The following RAPGEF2 variants were observed in gnomAD, a reference collection of about 807,000 sequenced individuals.
The protein encoded by RAPGEF2 is Rap guanine nucleotide exchange factor 2.
In RAPGEF2, 54 loss-of-function variants were observed where a neutral mutation model predicts 186.7. The observed-to-expected ratio is 0.29, with a 90% CI of 0.23 to 0.36. RAPGEF2 has a LOEUF of 0.36. Among genes scored for constraint, RAPGEF2 ranks in the 10% least tolerant of loss-of-function variants. The pLI is 1.00. For missense variants in RAPGEF2, 1,532 were observed against 2,045.0 expected, an observed-to-expected ratio of 0.75 and a Z score of 4.84; for synonymous variants, 712 against 705.9, an observed-to-expected ratio of 1.01 and a Z score of -0.14.
At position 159,353,548 on chromosome 4, in the gene RAPGEF2, C is replaced by T. The variant is rs776086380; in HGVS notation, c.4153C>T (p.Pro1385Ser). The T allele has an allele frequency of 2.6e-6, 4 of 1,553,250 alleles. No individual in the cohort carries two copies. Among genetic ancestry groups the T allele is most frequent in the African/African-American group, 1.4e-5 (1 of 72,604 alleles). Residue 1385 changes from proline (P) to serine (S), a missense_variant, in exon 28 of 30, where the codon CCA (proline) becomes TCA (serine). Physicochemically the swap from Pro to Ser is moderately conservative, Grantham distance 74 (BLOSUM62 -1). Transcript: ENST00000691494. This position sits in a 1 kb window ranked among gnomAD's most constrained non-coding sequence, Gnocchi z 4.3. ...LYATATVISS[P>S]STEELSQDQG... Reference sequence around the variant, plus strand: ...TGCTACAGCTACAGTAATTTCTTCTCCAAGCACAGAGGAACTTTCCCAGGA... The same window carrying T: ...TGCTACAGCTACAGTAATTTCTTCTTCAAGCACAGAGGAACTTTCCCAGGA...
intron 1 of RAPGEF2, among the ~76,000 whole-genome samples, chr4:159,114,627 G>A (rs975036751): frequency 5.3e-5 from 8 of 152,058 alleles, no homozygotes; most frequent in Non-Finnish European, 1.2e-4. Flanking sequence ...TTAATGTTTC[G>A]TGATTCTGAA....
rs866795485 is a variant in RAPGEF2 at position 159,104,010 on chromosome 4, C to G, written c.-153C>G. On this transcript the variant is annotated 5_prime_UTR_variant, in exon 1 of 30. Transcript: ENST00000691494. ...CCGCCGGGCCCAGCCGAGCCGCCCCCCCGCGGGCCCCGCGCCGCCGCCGCC... is the reference window on the plus strand; with the variant it reads ...CCGCCGGGCCCAGCCGAGCCGCCCCGCCGCGGGCCCCGCGCCGCCGCCGCC... 51 of 185,452 alleles carry G rather than the reference C, an allele frequency of 2.8e-4. No homozygotes were observed. The highest frequency in any genetic ancestry group is 9.3e-4 in the East Asian group (5 of 5,348). The allele number at this position is 185,452 out of a possible 1,614,324, so 11.5% of individuals were successfully genotyped here.
chr4:159,331,345 T>TG, intron 13 of RAPGEF2, 86 bp from the exon 14 acceptor site: 12 of 732,524 alleles, frequency 1.6e-5, no homozygotes, highest in Non-Finnish European at 8.9e-6. Context: ...GTAAATTATT[T>TG]GAAAGTTGGA....
intron 3 of RAPGEF2, among the ~76,000 whole-genome samples, chr4:159,202,644 C>T (rs1579452115): frequency 6.6e-6 from 1 of 152,268 alleles, no homozygotes; most frequent in South Asian, 2.1e-4. Flanking sequence ...TCTTGTTGCC[C>T]AGGCTGGAGT....
chr4:159,312,810 G>A (rs1208089332), intron 8 of RAPGEF2, among the ~76,000 whole-genome samples: 1 of 152,196 alleles, frequency 6.6e-6, no homozygotes, highest in African/African-American at 2.4e-5. Flanking sequence ...CTTATGTTCT[G>A]TGATATGAAC....
Position 159,346,806 on chromosome 4 carries a change from G to T in RAPGEF2, c.3520G>T (p.Asp1174Tyr). 1.2e-6 allele frequency: 2 copies of T among 1,614,040 alleles called. No individual in the cohort carries two copies. The highest frequency in any genetic ancestry group is 2.2e-5 in the South Asian group (2 of 91,050). ...ATNTLPKNPG[D>Y]KKPVKSETSP... ...ATTATCAGTGCCTAAGAATCCTGGT[G>T]ACAAAAAGCCTGTCAAATCCGAGAC... is the stretch of plus-strand genomic sequence containing the variant. Residue 1174 changes from aspartate (D) to tyrosine (Y), a missense_variant, in exon 25 of 30, where the codon GAC (aspartate) becomes TAC (tyrosine). Asp to Tyr is a radical substitution (Grantham distance 160, BLOSUM62 -3). Transcript: ENST00000691494.
At chr4:159,198,424 C>T (rs988701027) in intron 3 of RAPGEF2, among the ~76,000 whole-genome samples, 1 of 130,378 alleles carries the variant, frequency 7.7e-6, no homozygotes, top group Non-Finnish European at 1.7e-5. Context: ...CTCTCTCTCT[C>T]TCTCTCTCTT....
At chr4:159,199,105 GA>G (rs1439524932) in intron 3 of RAPGEF2, among the ~76,000 whole-genome samples, 2 of 145,538 alleles carry the variant, frequency 1.4e-5, no homozygotes, top group Non-Finnish European at 3.0e-5. Context: ...TAATTTATTT[GA>G]AAAAATGGCA....
At chr4:159,153,187 TG>T (rs1743753223) in intron 1 of RAPGEF2, among the ~76,000 whole-genome samples, 1 of 152,216 alleles carries the variant, frequency 6.6e-6, no homozygotes, top group Non-Finnish European at 1.5e-5. Context: ...TTGATTTTGA[TG>T]TAGAATTTTG....
chr4:159,284,414 G>A (rs1416335687), intron 7 of RAPGEF2, among the ~76,000 whole-genome samples: 4 of 150,382 alleles, frequency 2.7e-5, no homozygotes, highest in Non-Finnish European at 3.0e-5. Context: ...TTTTCCTAAG[G>A]GATCATGGAG....
rs369364982 is a variant in RAPGEF2, at chr4:159,247,212, T to G, written c.543+3421T>G. Among the ~76,000 whole-genome samples the G allele has an allele frequency of 1.9e-4, 29 of 152,260 alleles. No homozygotes were observed. The East Asian group carries it at 4.4e-3, about 23-fold the overall frequency. On this transcript the variant is annotated intron_variant, in intron 7 of 29. Coordinates refer to ENST00000691494, the MANE Select transcript of RAPGEF2 (RefSeq NM_001394067.2). Reference sequence around the variant, plus strand: ...TTTTCATTTATATATTTTTGGTCATTTAACAAATATTCATTGAGTGCCCAC... The same window carrying G: ...TTTTCATTTATATATTTTTGGTCATGTAACAAATATTCATTGAGTGCCCAC...
intron 7 of RAPGEF2, among the ~76,000 whole-genome samples, chr4:159,251,416 T>C (rs888803282): frequency 3.9e-5 from 6 of 152,218 alleles, no homozygotes; most frequent in African/African-American, 1.2e-4. Context: ...GGAGAACTTT[T>C]GTGTCTAGCT....
At chr4:159,295,400 TTG>T (rs150225299) in intron 7 of RAPGEF2, among the ~76,000 whole-genome samples, 1 of 151,232 alleles carries the variant, frequency 6.6e-6, no homozygotes, top group Non-Finnish European at 1.5e-5. Flanking sequence ...GTGTATGCAT[TTG>T]TGTGTGTGTG....
chr4:159,184,529 C>A (rs1047010265), intron 1 of RAPGEF2, among the ~76,000 whole-genome samples: 2 of 152,086 alleles, frequency 1.3e-5, no homozygotes, highest in Non-Finnish European at 2.9e-5. Context: ...TGTTGGCTGC[C>A]TAAATGTCTT....
intron 1 of RAPGEF2, among the ~76,000 whole-genome samples, chr4:159,123,605 C>T (rs1439295331): frequency 1.4e-5 from 2 of 144,880 alleles, no homozygotes; most frequent in African/African-American, 5.1e-5. Flanking sequence ...GTGGCTCGAT[C>T]TCAGCTGGGT....
intron 7 of RAPGEF2, among the ~76,000 whole-genome samples, chr4:159,272,032 C>T (rs1041978098): frequency 2.6e-5 from 4 of 152,174 alleles, no homozygotes; most frequent in African/African-American, 9.7e-5. Context: ...TCAACTTCCT[C>T]TGCCTATTCC....
chr4:159,331,571 A>T, intron 14 of RAPGEF2, 33 bp downstream of exon 14: 1 of 1,610,276 alleles, frequency 6.2e-7, no homozygotes, highest in Non-Finnish European at 8.5e-7. Flanking sequence ...AGATCAGCTT[A>T]AAGTTCATTT....
chr4:159,219,303 G>A (rs1022583986), intron 4 of RAPGEF2, among the ~76,000 whole-genome samples: 7 of 94,510 alleles, frequency 7.4e-5, no homozygotes, highest in African/African-American at 3.0e-4. Context: ...AGATATTAAT[G>A]TGTAAAACCT....
intron 1 of RAPGEF2, among the ~76,000 whole-genome samples, chr4:159,133,067 C>A (rs1002769049): frequency 4.6e-5 from 7 of 151,980 alleles, no homozygotes; most frequent in African/African-American, 9.7e-5. Context: ...ACATATTTTT[C>A]TTCTTCTCAA....
Sources: allele counts gnomAD v4.1 joint callset (sites outside exome capture counted in the v4.1 genomes callset), GRCh38; gene constraint gnomAD v4.1.1; non-coding constraint Gnocchi (gnomAD v3.1); transcripts MANE v1.5; gene names NCBI Gene and HGNC (gene_info 2026-07-23, HGNC 2026-07-21).